The following SLC24A5 variants were observed in gnomAD, a reference collection of about 807,000 sequenced individuals.
SLC24A5 encodes sodium/potassium/calcium exchanger 5.
In SLC24A5, 46 loss-of-function variants were observed where a neutral mutation model predicts 51.6. The ratio of observed to expected loss-of-function variants is 0.89; its 90% confidence interval spans 0.70 to 1.14. The LOEUF (loss-of-function observed/expected upper bound fraction) is 1.14. Ranked by LOEUF, SLC24A5 falls within the 50% of genes most tolerant of loss-of-function variation. The pLI, the probability that SLC24A5 is intolerant of heterozygous loss-of-function variation, is 0.00. For missense variants in SLC24A5, 581 were observed against 604.1 expected, an observed-to-expected ratio of 0.96 and a Z score of 0.40; for synonymous variants, 230 against 214.9, an observed-to-expected ratio of 1.07 and a Z score of -0.62.
intron 6 of SLC24A5, 130 bp downstream of exon 6, chr15:48,137,093 C>T: frequency 1.0e-6 from 1 of 969,216 alleles, no homozygotes; most frequent in Non-Finnish European, 1.5e-6. Context: ...ATGATAAAGA[C>T]CAAGTCCCTA....
chr15:48,137,012 CT>C, intron 6 of SLC24A5, 49 bp downstream of exon 6: 2 of 1,530,790 alleles, frequency 1.3e-6, no homozygotes. Context: ...AAAGGAAAAA[CT>C]TTAAAATTTC....
At chr15:48,141,844 TAA>T in intron 8 of SLC24A5, 183 bp from the exon 9 acceptor site, 1 of 408,434 alleles carries the variant, frequency 2.4e-6, no homozygotes, top group East Asian at 3.7e-5. Flanking sequence ...AAATAAATGT[TAA>T]GACTTTAAAT....
intron 5 of SLC24A5, chr15:48,135,582 A>G (rs2038875014): frequency 6.6e-6 from 1 of 152,408 alleles, no homozygotes. Flanking sequence ...AACTTTTTCA[A>G]CTAGTAAGCA....
At chr15:48,132,494 G>A (rs1267473008) in intron 2 of SLC24A5, among the ~76,000 whole-genome samples, 2 of 152,186 alleles carry the variant, frequency 1.3e-5, no homozygotes, top group Non-Finnish European at 2.9e-5. Flanking sequence ...AAAGCATCTG[G>A]CATATAGTAA....
chr15:48,130,436 G>C (rs946857949), intron 2 of SLC24A5, among the ~76,000 whole-genome samples: 2 of 152,036 alleles, frequency 1.3e-5, no homozygotes, highest in Non-Finnish European at 2.9e-5. Flanking sequence ...TTCATAATTT[G>C]AGTGCAGTGA....
At chr15:48,127,644 C>A (rs2140713148) in intron 2 of SLC24A5, among the ~76,000 whole-genome samples, 1 of 152,206 alleles carries the variant, frequency 6.6e-6, no homozygotes, top group East Asian at 1.9e-4. Context: ...CATGGTAAAA[C>A]CCCATTTCTA....
intron 1 of SLC24A5, 145 bp downstream of exon 1, chr15:48,121,310 A>C: frequency 1.1e-6 from 1 of 893,480 alleles, no homozygotes; most frequent in Non-Finnish European, 1.6e-6. Context: ...AAAAGATATC[A>C]AACACTTTTG....
intron 7 of SLC24A5, chr15:48,140,193 G>A (rs2039019264): frequency 6.6e-6 from 1 of 151,690 alleles, no homozygotes; most frequent in African/African-American, 2.4e-5. Context: ...TAAAAAGAGA[G>A]CAAAAATCAT....
rs879339569 is a variant in SLC24A5, at chr15:48,134,523, T to C, written c.474T>C (p.Gly158=). 5.0e-6 allele frequency: 8 copies of C among 1,612,706 alleles called. No homozygotes were observed. The highest frequency in any genetic ancestry group is 1.3e-5 in the African/African-American group (1 of 74,880). Residue 158 remains glycine (G), a synonymous_variant, in exon 4 of 9, where the codon GGT becomes GGC. Transcript: ENST00000341459. ...YNLLGICAAC[G]LLSNTVSTLS... The stretch of plus-strand genomic sequence containing the variant: ...TCCTTGGCATCTGTGCTGCCTGTGG[T>C]TTGCTATCTAATACGGTATGTAACA...
chr15:48,121,406 C>A (rs1485690327), intron 1 of SLC24A5, among the ~76,000 whole-genome samples: 1 of 152,166 alleles, frequency 6.6e-6, no homozygotes, highest in Non-Finnish European at 1.5e-5. Context: ...TTCTTGGAGA[C>A]TTTTTGGTGA....
Position 48,136,973 on chromosome 15 carries a change from A to G in SLC24A5, c.871+10A>G, listed in dbSNP as rs754756034. On this transcript the variant is annotated intron_variant, in intron 6 of 8. Coordinates refer to ENST00000341459, the MANE Select transcript of SLC24A5 (RefSeq NM_205850.3). ...AGTCAGGTTTCTGAAGGTAATCACT[A>G]AATCTTGCCCATTATTAAGTCTATT... 6.2e-7 allele frequency: 1 copy of G among 1,601,108 alleles called. No individual in the cohort carries two copies. Among genetic ancestry groups the G allele is most frequent in the South Asian group, 1.1e-5 (1 of 89,688 alleles).
chr15:48,131,191 T>C (rs754217375), intron 2 of SLC24A5, among the ~76,000 whole-genome samples: 11 of 152,162 alleles, frequency 7.2e-5, no homozygotes, highest in African/African-American at 1.7e-4. Context: ...AATATTATGG[T>C]CAGTTGTACA....
At position 48,126,970 on chromosome 15, in the gene SLC24A5, T is replaced by G. The variant is rs887748480; in HGVS notation, c.301+4934T>G. Reference sequence around the variant, plus strand: ...CAAATGCTGAGAATCCCCGGACAGCTGGAGGGGAAGGACACAGCCGTCATA... The same window carrying G: ...CAAATGCTGAGAATCCCCGGACAGCGGGAGGGGAAGGACACAGCCGTCATA... On this transcript the variant is annotated intron_variant, in intron 2 of 8. Coordinates refer to ENST00000341459, the MANE Select transcript of SLC24A5 (RefSeq NM_205850.3). Among the ~76,000 whole-genome samples the G allele has an allele frequency of 1.4e-4, 21 of 152,256 alleles. 1 individual carries two copies. Among genetic ancestry groups the G allele is most frequent in the African/African-American group, 4.6e-4 (19 of 41,536 alleles).
In SLC24A5 at chr15:48,134,635, G is replaced by A. The variant is rs577580003; in HGVS notation, c.489+97G>A. The A allele has an allele frequency of 2.3e-4, 201 of 888,912 alleles. No individual in the cohort carries two copies. The African/African-American group carries it at 3.0e-3, about 13-fold the overall frequency. The allele number at this position is 888,912 out of a possible 1,614,324, so 55.1% of individuals were successfully genotyped here. On this transcript the variant is annotated intron_variant, in intron 4 of 8. Coordinates refer to ENST00000341459, the MANE Select transcript of SLC24A5 (RefSeq NM_205850.3). ...ATGGACAACAGGGCACTAATAATAT[G>A]TGCAATCAAATTTATTAATCAGTAG...
At chr15:48,135,641 A>G (rs1205778540) in intron 5 of SLC24A5, 1 of 152,104 alleles carries the variant, frequency 6.6e-6, no homozygotes, top group Admixed American at 6.6e-5. Context: ...CATAAGGGAT[A>G]ATGAAATGTA....
intron 7 of SLC24A5, chr15:48,140,734 C>G: frequency 5.3e-6 from 1 of 188,820 alleles, no homozygotes; most frequent in Non-Finnish European, 1.1e-5. Context: ...ATTTGCTTAA[C>G]TCTGACTAAT....
intron 2 of SLC24A5, among the ~76,000 whole-genome samples, chr15:48,125,357 G>T (rs2038720519): frequency 6.6e-6 from 1 of 151,278 alleles, no homozygotes; most frequent in Admixed American, 6.6e-5. Context: ...CTAATGTTTT[G>T]GTTTTACTGA....
In SLC24A5 at chr15:48,134,948, C is replaced by A; in HGVS notation, c.554C>A (p.Ala185Glu). 1 of 1,612,334 alleles carries A rather than the reference C, an allele frequency of 6.2e-7. No homozygotes were observed. The highest frequency in any genetic ancestry group is 1.1e-5 in the South Asian group (1 of 90,848). ...GCAGCGTACACAATTAGTGCAGCAG[C>A]AGTTCTTGGTATAATATATGACAAC... ...DCAAYTISAA[A>E]VLGIIYDNQV... Residue 185 changes from alanine to glutamate, a missense_variant, in exon 5 of 9, where the codon GCA becomes GAA. Physicochemically the swap from Ala to Glu is moderately radical, Grantham distance 107. Transcript: ENST00000341459.
Position 48,138,979 on chromosome 15 carries a change from T to C in SLC24A5, c.882T>C (p.Ser294=), listed in dbSNP as rs1389905343. ...GLSQVSEDPP[S]VFNMPEADLK... ...CTTTTTCCACAACAGATCCACCAAGTGTTTTCAACATGCCTGAAGCAGACT... is the reference window on the plus strand; with the variant it reads ...CTTTTTCCACAACAGATCCACCAAGCGTTTTCAACATGCCTGAAGCAGACT... The change falls in exon 7 of 9, where the codon AGT becomes AGC. Residue 294 remains serine (S), a synonymous_variant. Transcript: ENST00000341459. 6.2e-7 allele frequency: 1 copy of C among 1,611,646 alleles called. No homozygotes were observed. Among genetic ancestry groups the C allele is most frequent in the Non-Finnish European group, 8.5e-7 (1 of 1,178,798 alleles).
Sources: gnomAD v4.1 joint callset for allele counts (sites outside exome capture counted in the v4.1 genomes callset) on GRCh38, gnomAD v4.1.1 for gene constraint, MANE v1.5 for transcripts, NCBI Gene and HGNC (gene_info 2026-07-23, HGNC 2026-07-21) for gene names.